Variants in ANKRD24 observed in about 807,000 individuals in gnomAD.
ANKRD24 encodes ankyrin repeat domain-containing protein 24.
ANKRD24 carries 109 observed loss-of-function variants against 127.8 expected under a neutral mutation model. That is an observed-to-expected ratio of 0.85 (90% confidence interval 0.73 to 1.00). ANKRD24 has a LOEUF of 1.00. Ranked by LOEUF, ANKRD24 falls within the 50% of genes least tolerant of loss-of-function variation. ANKRD24 has a pLI of 0.00. For synonymous variants in ANKRD24, 743 were observed against 671.1 expected (o/e 1.11, Z -1.66); for missense variants, 1,648 against 1,570.2 (o/e 1.05, Z -0.84).
Position 4,224,716 on chromosome 19 carries a change from G to C in ANKRD24, c.*211G>C, listed in dbSNP as rs914352865. The C allele has an allele frequency of 1.4e-5, 8 of 580,176 alleles. No homozygotes were observed. In the Admixed American group the frequency reaches 2.4e-4, roughly 17 times the overall value. The allele number at this position is 580,176 out of a possible 1,614,324, so 35.9% of individuals were successfully genotyped here. ...CGCACACACTGGTCAGTCTGGACCC[G>C]GGCCGTGACTGCCCCTCCCCCACCA... is the stretch of plus-strand genomic sequence containing the variant. On this transcript the variant is annotated 3_prime_UTR_variant, in exon 22 of 22. Coordinates refer to ENST00000318934, the MANE Select transcript of ANKRD24 (RefSeq NM_001393985.1).
intron 5 of ANKRD24, 79 bp downstream of exon 5, chr19:4,200,250 C>A: frequency 7.1e-7 from 1 of 1,409,274 alleles, no homozygotes; most frequent in South Asian, 1.3e-5. Flanking sequence ...AGACCCTGCT[C>A]CCAGGTCTCA....
intron 2 of ANKRD24, among the ~76,000 whole-genome samples, chr19:4,194,529 C>A (rs138897460): frequency 6.6e-6 from 1 of 152,158 alleles, no homozygotes; most frequent in African/African-American, 2.4e-5. Context: ...CCCCCTCCAA[C>A]GACTCACACG....
intron 2 of ANKRD24, among the ~76,000 whole-genome samples, chr19:4,192,016 T>G (rs1968415650): frequency 6.6e-6 from 1 of 151,726 alleles, no homozygotes; most frequent in Non-Finnish European, 1.5e-5. Flanking sequence ...CTCAAACTAC[T>G]GACCTCCAAT....
In ANKRD24 at chr19:4,217,836, C is replaced by T. The variant is rs1037286614; in HGVS notation, c.2676C>T (p.Cys892=). 2.8e-6 allele frequency: 4 copies of T among 1,427,548 alleles called. No individual in the cohort carries two copies. The highest frequency in any genetic ancestry group is 2.9e-5 in the Admixed American group (1 of 34,860). The allele number at this position is 1,427,548 out of a possible 1,614,324, so 88.4% of individuals were successfully genotyped here. ...GAGTGGCTGAGCTGCCTGCGGCCTG[C>T]GAGGAGGCGCGGCAGGGCCTGGCCG... is the stretch of plus-strand genomic sequence containing the variant. The part of the protein sequence containing the change: ...EARVAELPAA[C]EEARQGLAEL... The change falls in exon 18 of 22, where the codon TGC becomes TGT. Residue 892 remains cysteine, a synonymous_variant. Coordinates refer to ENST00000318934, the MANE Select transcript of ANKRD24 (RefSeq NM_001393985.1).
At chr19:4,204,212 G>GC (rs1257840197) in intron 7 of ANKRD24, among the ~76,000 whole-genome samples, 15 of 133,444 alleles carry the variant, frequency 1.1e-4, no homozygotes, top group East Asian at 4.7e-4. Flanking sequence ...TGATCCGCCT[G>GC]CTCGGCCTCC....
At position 4,217,561 on chromosome 19, in the gene ANKRD24, C is replaced by G; in HGVS notation, c.2401C>G (p.Arg801Gly). The stretch of plus-strand genomic sequence containing the variant: ...GCAGGCCCGGGAGGACCTCCGAGAC[C>G]GGGACTCCCGCCTGCGGGAGCTGGA... ...LEQAREDLRD[R>G]DSRLRELEAA... The change falls in exon 18 of 22, where the codon CGG (arginine) becomes GGG (glycine). Residue 801 changes from arginine to glycine, a missense_variant. Arg to Gly is a moderately radical substitution (Grantham distance 125). Coordinates refer to ENST00000318934, the MANE Select transcript of ANKRD24 (RefSeq NM_001393985.1). 7.6e-7 allele frequency: 1 copy of G among 1,313,748 alleles called. No individual in the cohort carries two copies. The allele number at this position is 1,313,748 out of a possible 1,614,324, so 81.4% of individuals were successfully genotyped here. A position where few individuals can be genotyped will look rare whatever the true frequency, so the allele number is the denominator to read the frequency against.
intron 7 of ANKRD24, among the ~76,000 whole-genome samples, chr19:4,204,723 T>C (rs541687768): frequency 2.0e-4 from 30 of 152,256 alleles, no homozygotes; most frequent in African/African-American, 7.2e-4. Flanking sequence ...CAGAATAAAA[T>C]AGGGCTTTGG....
At position 4,217,448 on chromosome 19, in the gene ANKRD24, G is replaced by A. The variant is rs1286815572; in HGVS notation, c.2288G>A (p.Arg763Gln). ...KCEAAEAEAG[R>Q]LRERVREAEG... ...GAGGCCGCGGAGGCCGAGGCAGGCC[G>A]GCTGCGAGAGCGTGTCCGCGAGGCC... Residue 763 changes from arginine to glutamine, a missense_variant, in exon 18 of 22, where the codon CGG becomes CAG. Transcript: ENST00000318934. 13 of 1,520,856 alleles carry A rather than the reference G, an allele frequency of 8.5e-6. No homozygotes were observed. The highest frequency in any genetic ancestry group is 1.2e-5 in the South Asian group (1 of 80,180). 94.2% of individuals were successfully genotyped at this position (1,520,856 alleles called of 1,614,324 possible). A position where few individuals can be genotyped will look rare whatever the true frequency, so the allele number is the denominator to read the frequency against.
In ANKRD24 at chr19:4,222,527, C is replaced by T. The variant is rs555565123; in HGVS notation, c.3172-143C>T. 1.2e-5 allele frequency: 11 copies of T among 910,804 alleles called. No homozygotes were observed. In the African/African-American group the frequency reaches 1.9e-4, roughly 15 times the overall value. The allele number at this position is 910,804 out of a possible 1,614,324, so 56.4% of individuals were successfully genotyped here. On this transcript the variant is annotated intron_variant, in intron 19 of 21. Transcript: ENST00000318934. The stretch of plus-strand genomic sequence containing the variant: ...AAAACAGGCTGTGGGCCAGACGTGG[C>T]CCTCAGGCCAGAGTTTGCTAACCCC...
At position 4,198,585 on chromosome 19, in the gene ANKRD24, C is replaced by A; in HGVS notation, c.37-1098C>A. 1 of 452,028 alleles carries A rather than the reference C, an allele frequency of 2.2e-6. No individual in the cohort carries two copies. Among genetic ancestry groups the A allele is most frequent in the South Asian group, 4.0e-5 (1 of 24,716 alleles). The allele number at this position is 452,028 out of a possible 1,614,324, so 28.0% of individuals were successfully genotyped here. A position where few individuals can be genotyped will look rare whatever the true frequency, so the allele number is the denominator to read the frequency against. ...CGGGCGGGGCGCGGGTACCTCCTCTCCCCTCCCTTCCCCGTCCCCGGCTGA... is the reference window on the plus strand; with the variant it reads ...CGGGCGGGGCGCGGGTACCTCCTCTACCCTCCCTTCCCCGTCCCCGGCTGA... On this transcript the variant is annotated intron_variant, in intron 2 of 21. Coordinates refer to ENST00000318934, the MANE Select transcript of ANKRD24 (RefSeq NM_001393985.1). This position sits in a 1 kb window ranked among gnomAD's most constrained non-coding sequence, Gnocchi z 6.1.
chr19:4,199,672 TC>T lies in ANKRD24; in HGVS notation c.37-6del, dbSNP rs771461313. 4.6e-6 allele frequency: 7 copies of T among 1,521,318 alleles called. No homozygotes were observed. The South Asian group carries it at 7.3e-5, about 16-fold the overall frequency. The allele number at this position is 1,521,318 out of a possible 1,614,324, so 94.2% of individuals were successfully genotyped here. ...GAGGACCCCCTCGCCCAGGACCACC[TC>T]CCCCTGCAGCTGCGGCTCAGCCCCA... On this transcript the variant is annotated splice_polypyrimidine_tract_variant and intron_variant, in intron 2 of 21. Coordinates refer to ENST00000318934, the MANE Select transcript of ANKRD24 (RefSeq NM_001393985.1). This position sits in a 1 kb window ranked among gnomAD's most constrained non-coding sequence, Gnocchi z 5.2.
chr19:4,216,375 G>T lies in ANKRD24; in HGVS notation c.1362G>T (p.Gln454His). 6.4e-7 allele frequency: 1 copy of T among 1,573,290 alleles called. No homozygotes were observed. Among genetic ancestry groups the T allele is most frequent in the Admixed American group, 1.9e-5 (1 of 53,554 alleles). ...AACAGGTGGCTGTGCTCACCAGACA[G>T]AACCAGGAACTGATGGAGAAGGTCC... ...LQEQVAVLTR[Q>H]NQELMEKVQI... is the part of the protein sequence containing the mutation. The change falls in exon 17 of 22, where the codon CAG (glutamine) becomes CAT (histidine). Residue 454 changes from glutamine (Q) to histidine (H), a missense_variant. Gln to His is a conservative substitution (Grantham distance 24). Coordinates refer to ENST00000318934, the MANE Select transcript of ANKRD24 (RefSeq NM_001393985.1).
intron 2 of ANKRD24, among the ~76,000 whole-genome samples, chr19:4,190,786 C>G (rs1482636520): frequency 6.6e-6 from 1 of 152,184 alleles, no homozygotes; most frequent in Non-Finnish European, 1.5e-5. Context: ...GGCATTCAAA[C>G]CCATATTTTT....
rs201117722 is a variant in ANKRD24 at position 4,197,400 on chromosome 19, CAAAT to C, written c.37-2282_37-2279del. 8.4e-3 allele frequency among the ~76,000 whole-genome samples: 1,278 copies of C among 151,876 alleles called. 23 individuals carry two copies. Among genetic ancestry groups the C allele is most frequent in the African/African-American group, 0.028 (1,175 of 41,412 alleles). The stretch of plus-strand genomic sequence containing the variant: ...AATGAATGAATGGTGCGGGAATGAA[CAAAT>C]GAATGAATGGGTGGTGAACAAATGA... On this transcript the variant is annotated intron_variant, in intron 2 of 21. Coordinates refer to ENST00000318934, the MANE Select transcript of ANKRD24 (RefSeq NM_001393985.1).
intron 20 of ANKRD24, 82 bp from the exon 21 acceptor site, chr19:4,224,045 G>T: frequency 1.8e-6 from 2 of 1,127,060 alleles, no homozygotes; most frequent in South Asian, 1.4e-5. Context: ...CAGGCTTGGG[G>T]TGCAAAGGGT....
chr19:4,220,807 G>A (rs929795530), intron 19 of ANKRD24, among the ~76,000 whole-genome samples: 5 of 151,836 alleles, frequency 3.3e-5, no homozygotes, highest in African/African-American at 4.8e-5. Flanking sequence ...CGCCTGCCTC[G>A]GCCTCCCAGA....
chr19:4,207,642 G>A lies in ANKRD24; in HGVS notation c.644+35G>A, dbSNP rs536443674. On this transcript the variant is annotated intron_variant, in intron 9 of 21. Coordinates refer to ENST00000318934, the MANE Select transcript of ANKRD24 (RefSeq NM_001393985.1). ...TCCCCTCCCAGCCAGTCCACCCTAT[G>A]CTGTGTGACCTTCGGCAAGACTTAA... 6 of 1,608,086 alleles carry A rather than the reference G, an allele frequency of 3.7e-6. No homozygotes were observed. The East Asian group carries it at 1.3e-4, about 36-fold the overall frequency.
Position 4,198,252 on chromosome 19 carries a change from C to G in ANKRD24, c.37-1431C>G, listed in dbSNP as rs1968873191. On this transcript the variant is annotated intron_variant, in intron 2 of 21. Transcript: ENST00000318934. The surrounding 1 kb of genome is among the most constrained non-coding windows in gnomAD (Gnocchi z 6.1). The stretch of plus-strand genomic sequence containing the variant: ...CGGGGCGGCGCCCCTTCCCTCAGCC[C>G]CCAGCCCCCAGCCCCCTACCTGGGT... 2 of 471,434 alleles carry G rather than the reference C, an allele frequency of 4.2e-6. No individual in the cohort carries two copies. Among genetic ancestry groups the G allele is most frequent in the South Asian group, 6.8e-5 (2 of 29,208 alleles). The allele number at this position is 471,434 out of a possible 1,614,324, so 29.2% of individuals were successfully genotyped here.
intron 5 of ANKRD24, among the ~76,000 whole-genome samples, chr19:4,200,531 G>A (rs1212472072): frequency 6.6e-6 from 1 of 151,750 alleles, no homozygotes; most frequent in Non-Finnish European, 1.5e-5. Context: ...TTCTTTTTTG[G>A]GGGGAGGGAC....
Sources: gnomAD v4.1 joint callset for allele counts (sites outside exome capture counted in the v4.1 genomes callset) on GRCh38, gnomAD v4.1.1 for gene constraint, Gnocchi (gnomAD v3.1) non-coding constraint, MANE v1.5 for transcripts, NCBI Gene and HGNC (gene_info 2026-07-23, HGNC 2026-07-21) for gene names.